Variants in COL4A3 observed in about 807,000 individuals in gnomAD.
COL4A3 encodes collagen alpha-3(IV) chain.
A neutral mutation model predicts 217.4 loss-of-function variants in COL4A3; 135 were observed. That is an observed-to-expected ratio of 0.62 (90% CI 0.54 to 0.72). The LOEUF is 0.72. Ranked by LOEUF, COL4A3 falls within the 30% of genes least tolerant of loss-of-function variation. The pLI is 0.00. For missense variants in COL4A3, 1,868 were observed against 2,119.9 expected, an observed-to-expected ratio of 0.88 and a Z score of 2.33; for synonymous variants, 690 against 736.3, an observed-to-expected ratio of 0.94 and a Z score of 1.02.
At chr2:227,292,978 A>G (rs1243624315) in intron 37 of COL4A3, among the ~76,000 whole-genome samples, 1 of 152,170 alleles carries the variant, frequency 6.6e-6, no homozygotes. Context: ...TTCACTTTAA[A>G]AAGTTTTAAG....
In COL4A3 at chr2:227,277,304, C is replaced by A. The variant is rs569543549; in HGVS notation, c.2021-145C>A. On this transcript the variant is annotated intron_variant, in intron 27 of 51. Coordinates refer to ENST00000396578, the MANE Select transcript of COL4A3 (RefSeq NM_000091.5). ...ACTGCACTCCAGCCTGGGCGACAGA[C>A]CGAAACTCCATCAACAGGAAAAAAA... 44 of 631,156 alleles carry A rather than the reference C, an allele frequency of 7.0e-5. No individual in the cohort carries two copies. In the African/African-American group the frequency reaches 8.5e-4, roughly 12 times the overall value. The allele number at this position is 631,156 out of a possible 1,614,324, so 39.1% of individuals were successfully genotyped here.
intron 1 of COL4A3, among the ~76,000 whole-genome samples, chr2:227,232,167 T>A (rs922180846): frequency 2.0e-4 from 31 of 152,246 alleles, no homozygotes; most frequent in Non-Finnish European, 4.3e-4. Context: ...TGCATAGTAC[T>A]CCATTGTGTA....
chr2:227,244,649 A>C (rs2069214778), intron 4 of COL4A3, among the ~76,000 whole-genome samples: 1 of 152,196 alleles, frequency 6.6e-6, no homozygotes, highest in African/African-American at 2.4e-5. Flanking sequence ...ACCTTTGTTA[A>C]GCTGTTCAAT....
intron 21 of COL4A3, chr2:227,265,227 T>C (rs1473500663): frequency 6.6e-6 from 1 of 152,222 alleles, no homozygotes; most frequent in Non-Finnish European, 1.5e-5. Context: ...GAAGTATTCA[T>C]ATAAGTCTAC....
chr2:227,237,486 T>C (rs2068765689), intron 1 of COL4A3, among the ~76,000 whole-genome samples: 1 of 152,210 alleles, frequency 6.6e-6, no homozygotes, highest in Non-Finnish European at 1.5e-5. Context: ...TACATATACA[T>C]GTATACATTA....
At chr2:227,306,258 G>A (rs192550915) in intron 47 of COL4A3, among the ~76,000 whole-genome samples, 1 of 152,310 alleles carries the variant, frequency 6.6e-6, no homozygotes, top group Non-Finnish European at 1.5e-5. Context: ...TGCTATGGAG[G>A]CCTCACAAGA....
intron 22 of COL4A3, 96 bp downstream of exon 22, chr2:227,266,605 G>A: frequency 1.1e-6 from 1 of 910,738 alleles, no homozygotes; most frequent in Non-Finnish European, 1.8e-6. Context: ...ATCCCAAATA[G>A]CTACCAGTCA....
At chr2:227,297,943 T>C in intron 42 of COL4A3, 84 bp downstream of exon 42, 1 of 1,416,440 alleles carries the variant, frequency 7.1e-7, no homozygotes, top group Middle Eastern at 2.0e-4. Context: ...TCATGTTACC[T>C]TGTTGCTTCT....
At chr2:227,259,476 C>A (rs1411783094) in intron 18 of COL4A3, among the ~76,000 whole-genome samples, 1 of 152,138 alleles carries the variant, frequency 6.6e-6, no homozygotes, top group African/African-American at 2.4e-5. Context: ...TTTTTCTATA[C>A]ATATACACAC....
chr2:227,292,886 T>C (rs936594899), intron 37 of COL4A3, among the ~76,000 whole-genome samples: 2 of 152,210 alleles, frequency 1.3e-5, no homozygotes, highest in African/African-American at 4.8e-5. Context: ...TTCCTGGGTA[T>C]GCTACCAGTG....
Position 227,248,480 on chromosome 2 carries a change from CA to C in COL4A3, c.510del (p.Gly171AlafsTer52). 6.2e-7 allele frequency: 1 copy of C among 1,612,698 alleles called. No individual in the cohort carries two copies. The highest frequency in any genetic ancestry group is 8.5e-7 in the Non-Finnish European group (1 of 1,178,942). ...PAKEEDIELD[A>X]KGDPGLPGAP... ...AAAGAAGAAGATATAGAACTTGATG[CA>C]AAAGGCGACCCCGGGTTGCCAGGGG... is the stretch of plus-strand genomic sequence containing the variant. On this transcript the variant is annotated frameshift_variant, in exon 9 of 52. Coordinates refer to ENST00000396578, the MANE Select transcript of COL4A3 (RefSeq NM_000091.5). LOFTEE classifies it high-confidence loss of function.
At chr2:227,290,681 A>G (rs557436877) in intron 36 of COL4A3, 66 bp from the exon 37 acceptor site, 1 of 1,542,676 alleles carries the variant, frequency 6.5e-7, no homozygotes, top group Admixed American at 1.7e-5. Context: ...TGTAAAACTG[A>G]AAAGTAGAAA....
At chr2:227,261,601 G>C (rs1247387404) in intron 20 of COL4A3, among the ~76,000 whole-genome samples, 1 of 152,206 alleles carries the variant, frequency 6.6e-6, no homozygotes, top group African/African-American at 2.4e-5. Flanking sequence ...GAGTGGAGCT[G>C]ATACAAACTG....
In COL4A3 at chr2:227,303,867, G is replaced by T. The variant is rs759739044; in HGVS notation, c.3964G>T (p.Gly1322Cys). 1 of 1,614,050 alleles carries T rather than the reference G, an allele frequency of 6.2e-7. No individual in the cohort carries two copies. The highest frequency in any genetic ancestry group is 8.5e-7 in the Non-Finnish European group (1 of 1,179,998). Residue 1322 changes from glycine to cysteine, a missense_variant, in exon 45 of 52, where the codon GGT (glycine) becomes TGT (cysteine). Physicochemically the swap from Gly to Cys is radical, Grantham distance 159 (BLOSUM62 -3). Transcript: ENST00000396578. ...QGFPGVKGEK[G>C]NPGFLGSIGP... Reference sequence around the variant, plus strand: ...TCTTTGTTTGTTTTTAGGAGAAAAGGGTAATCCTGGATTTCTAGGATCCAT... The same window carrying T: ...TCTTTGTTTGTTTTTAGGAGAAAAGTGTAATCCTGGATTTCTAGGATCCAT...
In COL4A3 at chr2:227,253,234, G is replaced by A; in HGVS notation, c.646-62G>A. On this transcript the variant is annotated intron_variant, in intron 11 of 51. Transcript: ENST00000396578. The surrounding 1 kb of genome is among the most constrained non-coding windows in gnomAD (Gnocchi z 4.4). The stretch of plus-strand genomic sequence containing the variant: ...CCTTACAAATATTGGAACTTTGATG[G>A]GTTTAGACTATTTATTCATATTTAT... The A allele has an allele frequency of 1.5e-6, 2 of 1,359,874 alleles. No homozygotes were observed. The highest frequency in any genetic ancestry group is 2.1e-6 in the Non-Finnish European group (2 of 951,566). 84.2% of individuals were successfully genotyped at this position (1,359,874 alleles called of 1,614,324 possible).
At position 227,314,777 on chromosome 2, in the gene COL4A3, C is replaced by T. The variant is rs951458306; in HGVS notation, c.*2907C>T. On this transcript the variant is annotated 3_prime_UTR_variant, in exon 52 of 52. Coordinates refer to ENST00000396578, the MANE Select transcript of COL4A3 (RefSeq NM_000091.5). ...TTTTATTATATTGCCTAAGAATAAA[C>T]ATTTGTTAAATTGGAGCTGGTCCTT... 2 of 151,358 alleles carry T rather than the reference C, an allele frequency of 1.3e-5. No homozygotes were observed. Among genetic ancestry groups the T allele is most frequent in the Non-Finnish European group, 2.9e-5 (2 of 67,896 alleles). 9.4% of individuals were successfully genotyped at this position (151,358 alleles called of 1,614,324 possible). A position where few individuals can be genotyped will look rare whatever the true frequency, so the allele number is the denominator to read the frequency against.
Position 227,250,242 on chromosome 2 carries a change from G to A in COL4A3, c.547-898G>A, listed in dbSNP as rs2125921723. 6.6e-6 allele frequency among the ~76,000 whole-genome samples: 1 copy of A among 152,212 alleles called. No homozygotes were observed. Among genetic ancestry groups the A allele is most frequent in the Middle Eastern group, 3.4e-3 (1 of 294 alleles). On this transcript the variant is annotated intron_variant, in intron 9 of 51. Transcript: ENST00000396578. The surrounding 1 kb of genome is among the most constrained non-coding windows in gnomAD (Gnocchi z 4.1). ...GCAGGAGAATCACTTGAACCCGGGA[G>A]GCAGAGGCTGCAGTGAGCAGAGATC...
chr2:227,305,130 TAC>T, intron 47 of COL4A3, 47 bp downstream of exon 47: 1 of 1,542,750 alleles, frequency 6.5e-7, no homozygotes, highest in East Asian at 2.3e-5. Context: ...TATTTCGACA[TAC>T]AGAGAAGTCT....
At position 227,312,309 on chromosome 2, in the gene COL4A3, G is replaced by A. The variant is rs374241146; in HGVS notation, c.*439G>A. 4.1e-6 allele frequency: 1 copy of A among 244,600 alleles called. No individual in the cohort carries two copies. Among genetic ancestry groups the A allele is most frequent in the Non-Finnish European group, 8.1e-6 (1 of 124,004 alleles). 15.2% of individuals were successfully genotyped at this position (244,600 alleles called of 1,614,324 possible). ...TTCCTGAAACTTCAGACCCTGGGTA[G>A]GGGAAGAGAAGGGGGCATGTGGTAT... On this transcript the variant is annotated 3_prime_UTR_variant, in exon 52 of 52. Coordinates refer to ENST00000396578, the MANE Select transcript of COL4A3 (RefSeq NM_000091.5).
Sources: gnomAD v4.1 joint callset for allele counts (sites outside exome capture counted in the v4.1 genomes callset) on GRCh38, gnomAD v4.1.1 for gene constraint, Gnocchi (gnomAD v3.1) non-coding constraint, MANE v1.5 for transcripts, NCBI Gene and HGNC (gene_info 2026-07-23, HGNC 2026-07-21) for gene names.